Variants in SSUH2 observed in about 807,000 individuals in gnomAD.
The protein encoded by SSUH2 is protein SSUH2 homolog.
In SSUH2, 47 loss-of-function variants were observed where a neutral mutation model predicts 55.3. The ratio of observed to expected loss-of-function variants is 0.85; its 90% confidence interval spans 0.67 to 1.08. SSUH2 has a LOEUF of 1.08. SSUH2 is among the 50% of genes least tolerant of loss of function. The pLI is 0.00. For synonymous variants in SSUH2, 212 were observed against 191.5 expected (o/e 1.11, Z -0.89); for missense variants, 535 against 490.7 (o/e 1.09, Z -0.85).
chr3:8,664,812 G>A (rs1181641700), intron 5 of SSUH2, among the ~76,000 whole-genome samples: 1 of 152,150 alleles, frequency 6.6e-6, no homozygotes, highest in Non-Finnish European at 1.5e-5. Context: ...AGCAAATTAA[G>A]GCATACAGAA....
chr3:8,632,002 C>G (rs762963943), intron 5 of SSUH2, 47 bp downstream of exon 5: 1 of 1,494,436 alleles, frequency 6.7e-7, no homozygotes, highest in Non-Finnish European at 9.3e-7. Context: ...CACCAGCACC[C>G]TGACTTATTT....
intron 10 of SSUH2, among the ~76,000 whole-genome samples, chr3:8,625,155 C>T (rs1477662860): frequency 6.6e-6 from 1 of 151,750 alleles, no homozygotes; most frequent in East Asian, 1.9e-4. Flanking sequence ...CCATGGTCTA[C>T]CCAGGGCCAA....
chr3:8,663,647 G>A (rs1473956573), intron 6 of SSUH2: 1 of 342,078 alleles, frequency 2.9e-6, no homozygotes, highest in Non-Finnish European at 5.9e-6. Context: ...GACCAGCAAT[G>A]TCCACCAGGG....
chr3:8,659,438 C>G (rs529490634), intron 6 of SSUH2: 11 of 165,606 alleles, frequency 6.6e-5, no homozygotes, highest in South Asian at 4.7e-4. Context: ...CTCCAGGCAG[C>G]CTTCCCTGAT....
intron 5 of SSUH2, among the ~76,000 whole-genome samples, chr3:8,665,814 A>C (rs1703940780): frequency 6.6e-6 from 1 of 152,206 alleles, no homozygotes. Context: ...ACAAGGTCTC[A>C]ATCTGCTTGT....
At chr3:8,633,638 A>C (rs1476962292) in intron 4 of SSUH2, 28 bp downstream of exon 4, 3 of 1,491,516 alleles carry the variant, frequency 2.0e-6, no homozygotes, top group Non-Finnish European at 2.7e-6. Context: ...CCCCCGGCCA[A>C]GGCCCCCCAC....
At chr3:8,661,382 T>C (rs1703471319) in intron 6 of SSUH2, among the ~76,000 whole-genome samples, 1 of 152,232 alleles carries the variant, frequency 6.6e-6, no homozygotes, top group African/African-American at 2.4e-5. Flanking sequence ...CGTATCCTTT[T>C]CCCTCTACAC....
At chr3:8,644,929 A>C, upstream of SSUH2, 1 of 656,324 alleles carries the variant, frequency 1.5e-6, no homozygotes, top group East Asian at 2.7e-5. Context: ...CTCTGCACCC[A>C]ATCCACCGGG....
chr3:8,664,428 T>C (rs879156348), intron 5 of SSUH2, among the ~76,000 whole-genome samples: 1 of 152,238 alleles, frequency 6.6e-6, no homozygotes, highest in Non-Finnish European at 1.5e-5. Flanking sequence ...AGGCCCCAAT[T>C]TGGAGCATTC....
chr3:8,658,730 C>T (rs1408635085), intron 7 of SSUH2, among the ~76,000 whole-genome samples: 1 of 151,906 alleles, frequency 6.6e-6, no homozygotes, highest in Non-Finnish European at 1.5e-5. Flanking sequence ...TTTCAGGCCA[C>T]AAAAAAACAG....
At chr3:8,638,958 G>A (rs561501005) in intron 1 of SSUH2, among the ~76,000 whole-genome samples, 80 of 152,286 alleles carry the variant, frequency 5.3e-4, no homozygotes, top group African/African-American at 1.7e-3. Context: ...CAGGAAGTGG[G>A]GAAGAATGAG....
At chr3:8,644,615 G>T in intron 1 of SSUH2, 116 bp downstream of exon 1, 1 of 945,884 alleles carries the variant, frequency 1.1e-6, no homozygotes, top group Non-Finnish European at 1.6e-6. Context: ...GAGCTTATTA[G>T]AAAAGACTAT....
At chr3:8,647,354 G>A (rs937911), upstream of SSUH2, among the ~76,000 whole-genome samples, 105,759 of 152,144 alleles carry the variant, frequency 0.7, 36,902 homozygotes, top group East Asian at 0.77. Flanking sequence ...AGAGTTTCTT[G>A]CCTTTGGACT....
At chr3:8,665,422 G>A (rs1703904573) in intron 5 of SSUH2, among the ~76,000 whole-genome samples, 1 of 152,166 alleles carries the variant, frequency 6.6e-6, no homozygotes, top group Non-Finnish European at 1.5e-5. Flanking sequence ...CACAGGGAGA[G>A]GTTCATTCTG....
upstream of SSUH2, among the ~76,000 whole-genome samples, chr3:8,645,138 C>A (rs1174152060): frequency 6.6e-6 from 1 of 152,242 alleles, no homozygotes. Context: ...CATCGCCCAG[C>A]TGTAGGAGGC....
intron 3 of SSUH2, among the ~76,000 whole-genome samples, chr3:8,673,873 C>T (rs1363717467): frequency 6.6e-6 from 1 of 152,212 alleles, no homozygotes; most frequent in Non-Finnish European, 1.5e-5. Context: ...AACAAGGTCT[C>T]TGAGGTCATT....
chr3:8,673,213 G>A (rs776286427), intron 3 of SSUH2, among the ~76,000 whole-genome samples: 15 of 151,804 alleles, frequency 9.9e-5, no homozygotes, highest in Non-Finnish European at 1.9e-4. Flanking sequence ...TATTGTTATC[G>A]TTAGTATAAC....
chr3:8,674,355 G>A (rs955201022), intron 3 of SSUH2, among the ~76,000 whole-genome samples: 2 of 152,186 alleles, frequency 1.3e-5, no homozygotes, highest in African/African-American at 4.8e-5. Flanking sequence ...CTCAGAGCAG[G>A]AGGCCCCGGA....
At chr3:8,662,903 T>C (rs1007564425) in intron 6 of SSUH2, among the ~76,000 whole-genome samples, 8 of 152,218 alleles carry the variant, frequency 5.3e-5, no homozygotes, top group Non-Finnish European at 1.2e-4. Context: ...AAACCTGAGA[T>C]GAATGAAGCA....
Sources: allele counts gnomAD v4.1 joint callset (sites outside exome capture counted in the v4.1 genomes callset), GRCh38; gene constraint gnomAD v4.1.1; transcripts MANE v1.5; gene names NCBI Gene and HGNC (gene_info 2026-07-23, HGNC 2026-07-21).